DNAH12: variants seen among roughly 807,000 people sequenced by gnomAD.
DNAH12 encodes axonemal beta dynein heavy chain 12.
A neutral mutation model predicts 371.5 loss-of-function variants in DNAH12; 285 were observed. That is an observed-to-expected ratio of 0.77 (90% CI 0.70 to 0.85). The LOEUF (loss-of-function observed/expected upper bound fraction) is 0.85. Ranked by LOEUF, DNAH12 falls within the 40% of genes least tolerant of loss-of-function variation. DNAH12 has a pLI of 0.00. For synonymous variants in DNAH12, 1,200 were observed against 1,213.0 expected, an observed-to-expected ratio of 0.99 and a Z score of 0.22; for missense variants, 3,611 against 3,689.4, an observed-to-expected ratio of 0.98 and a Z score of 0.55.
chr3:57,425,408 A>ATT (rs371415558), intron 34 of DNAH12, among the ~76,000 whole-genome samples: 31,714 of 145,696 alleles, frequency 0.22, 3,858 homozygotes, highest in African/African-American at 0.34. Context: ...CCACCAGGCT[A>ATT]TTTTTTTTTT....
At chr3:57,424,727 T>C (rs561482708) in intron 35 of DNAH12, among the ~76,000 whole-genome samples, 1 of 150,352 alleles carries the variant, frequency 6.7e-6, no homozygotes, top group East Asian at 2.0e-4. Flanking sequence ...GGAGGTTGTA[T>C]TAAGCTGAGA....
At chr3:57,448,510 T>TA (rs2065616554) in intron 25 of DNAH12, among the ~76,000 whole-genome samples, 1 of 148,838 alleles carries the variant, frequency 6.7e-6, no homozygotes, top group African/African-American at 2.4e-5. Context: ...CTGTAGGTCT[T>TA]CGCAGTGAGT....
At chr3:57,333,178 C>A (rs1298556914) in intron 62 of DNAH12, among the ~76,000 whole-genome samples, 3 of 151,990 alleles carry the variant, frequency 2.0e-5, no homozygotes, top group African/African-American at 4.8e-5. Context: ...TGGCTCACTG[C>A]AACCTCTGCC....
chr3:57,307,556 C>T (rs2061497889), intron 69 of DNAH12, among the ~76,000 whole-genome samples: 1 of 152,168 alleles, frequency 6.6e-6, no homozygotes, highest in Non-Finnish European at 1.5e-5. Flanking sequence ...CTTTTAGAGG[C>T]CCTTAAAATC....
intron 69 of DNAH12, among the ~76,000 whole-genome samples, chr3:57,307,946 C>T (rs761012529): frequency 2.6e-4 from 40 of 152,164 alleles, no homozygotes; most frequent in Non-Finnish European, 4.7e-4. Flanking sequence ...CCTCTTAGAA[C>T]CTCTCATTTC....
intron 11 of DNAH12, among the ~76,000 whole-genome samples, chr3:57,491,099 A>ACAAC (rs796514293): frequency 8.0e-5 from 9 of 112,790 alleles, no homozygotes; most frequent in African/African-American, 2.4e-4. Context: ...AAAAAAAAAA[A>ACAAC]AACAACAAAT....
intron 8 of DNAH12, among the ~76,000 whole-genome samples, chr3:57,504,754 C>T (rs2067688094): frequency 6.6e-6 from 1 of 152,094 alleles, no homozygotes; most frequent in African/African-American, 2.4e-5. Flanking sequence ...TAATTATACT[C>T]TTTTAGTTAT....
chr3:57,427,748 G>T (rs1454239160), intron 34 of DNAH12, among the ~76,000 whole-genome samples: 1 of 151,970 alleles, frequency 6.6e-6, no homozygotes, highest in African/African-American at 2.4e-5. Context: ...GGAAGAAGTT[G>T]GAGTTATGTA....
intron 65 of DNAH12, 142 bp from the exon 66 acceptor site, chr3:57,314,773 C>A: frequency 1.2e-6 from 1 of 847,508 alleles, no homozygotes; most frequent in Admixed American, 3.4e-5. Context: ...AAAATCCTAT[C>A]TAAAATAATA....
chr3:57,421,798 C>T, intron 35 of DNAH12, 92 bp from the exon 36 acceptor site: 2 of 1,375,076 alleles, frequency 1.5e-6, no homozygotes, highest in Non-Finnish European at 2.0e-6. Flanking sequence ...TTAGGATATG[C>T]TCAACTTACT....
At chr3:57,394,994 T>C (rs897330889) in intron 43 of DNAH12, among the ~76,000 whole-genome samples, 50 of 152,250 alleles carry the variant, frequency 3.3e-4, no homozygotes, top group African/African-American at 1.1e-3. Flanking sequence ...TTGTAAAACA[T>C]AGCCAGGATT....
chr3:57,399,631 A>G (rs1454452767), intron 43 of DNAH12, among the ~76,000 whole-genome samples: 1 of 152,230 alleles, frequency 6.6e-6, no homozygotes, highest in Non-Finnish European at 1.5e-5. Context: ...ACAGTTGACC[A>G]CTGAACAACA....
At position 57,421,760 on chromosome 3, in the gene DNAH12, G is replaced by C. The variant is rs182406826; in HGVS notation, c.5374-54C>G. Reference sequence around the variant, plus strand: ...AGCAATTATTTTAAAAGGCATTTTAGGAGAAACATTAACCAAAATTCAATA... The same window carrying C: ...AGCAATTATTTTAAAAGGCATTTTACGAGAAACATTAACCAAAATTCAATA... On this transcript the variant is annotated intron_variant, in intron 35 of 73. Coordinates refer to ENST00000495027, the MANE Select transcript of DNAH12 (RefSeq NM_001366028.2). The C allele has an allele frequency of 2.1e-5, 33 of 1,543,850 alleles. No individual in the cohort carries two copies. The African/African-American group carries it at 4.1e-4, about 19-fold the overall frequency.
chr3:57,360,152 C>T (rs2062892136), intron 58 of DNAH12, among the ~76,000 whole-genome samples: 1 of 152,132 alleles, frequency 6.6e-6, no homozygotes, highest in South Asian at 2.1e-4. Context: ...CAAGTAGCAG[C>T]TTGTTCTGCT....
chr3:57,428,336 C>T (rs2064847093), intron 34 of DNAH12: 2 of 1,151,566 alleles, frequency 1.7e-6, no homozygotes, highest in African/African-American at 3.3e-5. Flanking sequence ...CTCATAAACT[C>T]ACTAAATGTA....
chr3:57,460,719 C>T (rs1056935659), intron 19 of DNAH12, among the ~76,000 whole-genome samples: 1 of 152,058 alleles, frequency 6.6e-6, no homozygotes, highest in African/African-American at 2.4e-5. Context: ...ATAAATAAAT[C>T]TTCTATTTAT....
chr3:57,415,621 C>T (rs2064348572), intron 37 of DNAH12, 57 bp from the exon 38 acceptor site: 1 of 1,471,446 alleles, frequency 6.8e-7, no homozygotes, highest in African/African-American at 1.4e-5. Context: ...GAATACATTT[C>T]TACTAAAGGA....
intron 27 of DNAH12, 94 bp from the exon 28 acceptor site, chr3:57,445,513 T>A: frequency 8.9e-7 from 1 of 1,124,150 alleles, no homozygotes; most frequent in Non-Finnish European, 1.1e-6. Context: ...TTGTCAAGTT[T>A]ATTCTCCAAA....
chr3:57,335,458 G>C (rs782565964), intron 60 of DNAH12, among the ~76,000 whole-genome samples: 1 of 152,156 alleles, frequency 6.6e-6, no homozygotes, highest in Non-Finnish European at 1.5e-5. Flanking sequence ...TCTTAGTCAC[G>C]CATTCTAAGA....
Sources: allele counts gnomAD v4.1 joint callset (sites outside exome capture counted in the v4.1 genomes callset), GRCh38; gene constraint gnomAD v4.1.1; transcripts MANE v1.5; gene names NCBI Gene and HGNC (gene_info 2026-07-23, HGNC 2026-07-21).